PPIL2: variants seen among roughly 807,000 people sequenced by gnomAD.
PPIL2 encodes the protein peptidylprolyl isomerase like 2, also known as RING-type E3 ubiquitin-protein ligase PPIL2.
PPIL2 carries 50 observed loss-of-function variants against 75.2 expected under a neutral mutation model. The observed-to-expected ratio is 0.66, with a 90% CI of 0.53 to 0.84. The LOEUF (loss-of-function observed/expected upper bound fraction) is 0.84. Ranked by LOEUF, PPIL2 falls within the 40% of genes least tolerant of loss-of-function variation. The pLI, the probability that PPIL2 is intolerant of heterozygous loss-of-function variation, is 0.00. For synonymous variants in PPIL2, 245 were observed against 258.8 expected, an observed-to-expected ratio of 0.95 and a Z score of 0.51; for missense variants, 590 against 685.0, an observed-to-expected ratio of 0.86 and a Z score of 1.55.
intron 1 of PPIL2, among the ~76,000 whole-genome samples, chr22:21,668,521 C>A (rs1388244096): frequency 6.7e-6 from 1 of 149,978 alleles, no homozygotes; most frequent in Non-Finnish European, 1.5e-5. Context: ...ACCAGCTACT[C>A]GGGAGGCTGA....
chr22:21,666,193 A>G, intron 1 of PPIL2, 62 bp downstream of exon 1: 2 of 1,541,590 alleles, frequency 1.3e-6, no homozygotes, highest in Non-Finnish European at 1.8e-6. Context: ...CCTGTCCCGC[A>G]CTGCGCGCCG....
In PPIL2 at chr22:21,683,190, C is replaced by G. The variant is rs202126046; in HGVS notation, c.486C>G (p.Thr162=). The G allele has an allele frequency of 1.2e-5, 19 of 1,613,276 alleles. No individual in the cohort carries two copies. Among genetic ancestry groups the G allele is most frequent in the Non-Finnish European group, 1.6e-5 (19 of 1,179,302 alleles). Residue 162 remains threonine, a synonymous_variant, in exon 9 of 20, where the codon ACC becomes ACG. Transcript: ENST00000398831. The part of the protein sequence containing the change: ...RQDIITLQDP[T]NLDKFNVSNF... Reference sequence around the variant, plus strand: ...TTCTCTTTTTGCCACAGGACCCCACCAATTTGGACAAGTTCAATGTCTCTA... The same window carrying G: ...TTCTCTTTTTGCCACAGGACCCCACGAATTTGGACAAGTTCAATGTCTCTA...
chr22:21,695,401 G>A lies in PPIL2; in HGVS notation c.1474G>A (p.Ala492Thr). ...GGCTTCTTCTCTTCCCAGGAAGCGA[G>A]CAGCAGAGGAAGAGCCCTCAACCAG... ...KYINPAATKRAAEEEPSTSAT... is the reference protein window; with the variant it reads ...KYINPAATKRTAEEEPSTSAT... The change falls in exon 20 of 20, where the codon GCA becomes ACA. Residue 492 changes from alanine to threonine, a missense_variant. Coordinates refer to ENST00000398831, the MANE Select transcript of PPIL2 (RefSeq NM_014337.4). 1 of 1,607,862 alleles carries A rather than the reference G, an allele frequency of 6.2e-7. No homozygotes were observed. The highest frequency in any genetic ancestry group is 8.5e-7 in the Non-Finnish European group (1 of 1,177,194).
intron 7 of PPIL2, among the ~76,000 whole-genome samples, 196 bp downstream of exon 7, chr22:21,681,586 TG>T (rs1424441416): frequency 6.6e-6 from 1 of 152,188 alleles, no homozygotes; most frequent in Non-Finnish European, 1.5e-5. Flanking sequence ...AAAAAAGGGT[TG>T]GGGGAGGTGC....
chr22:21,696,726 C>T lies in PPIL2; in HGVS notation c.*1236C>T. ...TTCTTGGTTTTCTCATTTTTGTTGC[C>T]CCAAATCTTGAACCTGTCAGCAACT... is the stretch of plus-strand genomic sequence containing the variant. On this transcript the variant is annotated 3_prime_UTR_variant, in exon 20 of 20. Coordinates refer to ENST00000398831, the MANE Select transcript of PPIL2 (RefSeq NM_014337.4). 2.6e-6 allele frequency: 4 copies of T among 1,537,552 alleles called. No homozygotes were observed. The highest frequency in any genetic ancestry group is 3.5e-6 in the Non-Finnish European group (4 of 1,146,524).
At chr22:21,693,782 A>G in intron 15 of PPIL2, 34 bp from the exon 16 acceptor site, 3 of 1,522,706 alleles carry the variant, frequency 2.0e-6, no homozygotes, top group Non-Finnish European at 2.7e-6. Flanking sequence ...AGAAGGTGCC[A>G]TGCTCTCCCT....
At position 21,684,879 on chromosome 22, in the gene PPIL2, C is replaced by G. The variant is rs781026411; in HGVS notation, c.680C>G (p.Ala227Gly). 6.2e-7 allele frequency: 1 copy of G among 1,614,026 alleles called. No individual in the cohort carries two copies. The highest frequency in any genetic ancestry group is 1.1e-5 in the South Asian group (1 of 91,076). Residue 227 changes from alanine to glycine, a missense_variant, in exon 10 of 20, where the codon GCC (alanine) becomes GGC (glycine). Coordinates refer to ENST00000398831, the MANE Select transcript of PPIL2 (RefSeq NM_014337.4). ...GDEILAATMK[A>G]PEKKKVDKLN... ...GAGATTCTGGCAGCCACCATGAAGGCCCCGGAGAAGAAGAAAGTGGACAAG... is the reference window on the plus strand; with the variant it reads ...GAGATTCTGGCAGCCACCATGAAGGGCCCGGAGAAGAAGAAAGTGGACAAG...
intron 5 of PPIL2, 114 bp downstream of exon 5, chr22:21,672,495 GC>G: frequency 1.9e-6 from 2 of 1,062,578 alleles, no homozygotes; most frequent in South Asian, 1.3e-5. Context: ...CGTTCATGGG[GC>G]CCAGTGAGGA....
At chr22:21,695,218 C>G (rs947510366) in intron 19 of PPIL2, 148 bp downstream of exon 19, 10 of 1,358,042 alleles carry the variant, frequency 7.4e-6, no homozygotes, top group Non-Finnish European at 8.8e-6. Context: ...AGCCGAGGGA[C>G]TGCCTCTGAA....
chr22:21,694,369 C>CA (rs1051383954), intron 16 of PPIL2, among the ~76,000 whole-genome samples: 105 of 142,104 alleles, frequency 7.4e-4, no homozygotes, highest in African/African-American at 1.8e-3. Context: ...TGGGGGAAAC[C>CA]AAAAAAAAAA....
chr22:21,670,198 T>TA, intron 2 of PPIL2: 1 of 1,032,288 alleles, frequency 9.7e-7, no homozygotes. Flanking sequence ...GGGAGCTAAG[T>TA]AAAAAATAAA....
intron 10 of PPIL2, 101 bp from the exon 11 acceptor site, chr22:21,686,382 G>A: frequency 8.8e-7 from 1 of 1,141,528 alleles, no homozygotes; most frequent in Non-Finnish European, 1.3e-6. Context: ...CAGGGCCTGG[G>A]GGGCAGGGGT....
At chr22:21,675,733 G>T (rs1424506442) in intron 6 of PPIL2, among the ~76,000 whole-genome samples, 2 of 152,238 alleles carry the variant, frequency 1.3e-5, no homozygotes, top group East Asian at 3.8e-4. Context: ...TCTGTTTGTT[G>T]TTGGAGGCAG....
chr22:21,672,037 C>T lies in PPIL2; in HGVS notation c.192-293C>T, dbSNP rs185116302. ...CTGCACTCCAGCCTGAGTGACAAGG[C>T]GAAACCTTGTCTCAAAGAAAAAAAA... On this transcript the variant is annotated intron_variant, in intron 4 of 19. Coordinates refer to ENST00000398831, the MANE Select transcript of PPIL2 (RefSeq NM_014337.4). 1.3e-3 allele frequency among the ~76,000 whole-genome samples: 191 copies of T among 152,058 alleles called. 2 individuals carry two copies. The highest frequency in any genetic ancestry group is 4.4e-3 in the African/African-American group (184 of 41,460).
At position 21,695,081 on chromosome 22, in the gene PPIL2, C is replaced by A; in HGVS notation, c.1466+11C>A. ...CAACCCAGCAGCCACGTGAGTGCCG[C>A]GGGGCTGGCCTCCCTGTTTCCCATG... On this transcript the variant is annotated intron_variant, in intron 19 of 19. Coordinates refer to ENST00000398831, the MANE Select transcript of PPIL2 (RefSeq NM_014337.4). The A allele has an allele frequency of 6.3e-7, 1 of 1,590,068 alleles. No homozygotes were observed. The highest frequency in any genetic ancestry group is 1.1e-5 in the South Asian group (1 of 89,222).
chr22:21,680,246 G>A (rs1022141325), intron 6 of PPIL2, among the ~76,000 whole-genome samples: 7 of 152,222 alleles, frequency 4.6e-5, no homozygotes, highest in Non-Finnish European at 1.0e-4. Context: ...AGTAACCAAG[G>A]CCAGGTGCAG....
In PPIL2 at chr22:21,678,588, C is replaced by T. The variant is rs117869482; in HGVS notation, c.296-2711C>T. Among the ~76,000 whole-genome samples the T allele has an allele frequency of 1.7e-4, 26 of 152,286 alleles. 1 individual carries two copies. The East Asian group carries it at 4.8e-3, about 28-fold the overall frequency. On this transcript the variant is annotated intron_variant, in intron 6 of 19. Transcript: ENST00000398831. ...GAAAGTGGAGTGAGGAGGTGTGATA[C>T]GCCTCCCCTGTGCCCATCATCAACT...
At chr22:21,694,007 G>T in intron 16 of PPIL2, 135 bp downstream of exon 16, 1 of 964,126 alleles carries the variant, frequency 1.0e-6, no homozygotes, top group East Asian at 2.6e-5. Flanking sequence ...GGGGGTTGAG[G>T]CTATGCAGAG....
chr22:21,685,233 T>C (rs1471988935), intron 10 of PPIL2, among the ~76,000 whole-genome samples: 1 of 152,190 alleles, frequency 6.6e-6, no homozygotes, highest in African/African-American at 2.4e-5. Flanking sequence ...GGTCCCAGCC[T>C]GAGCTCAGTA....
Sources: gnomAD v4.1 joint callset for allele counts (sites outside exome capture counted in the v4.1 genomes callset) on GRCh38, gnomAD v4.1.1 for gene constraint, MANE v1.5 for transcripts, NCBI Gene and HGNC (gene_info 2026-07-23, HGNC 2026-07-21) for gene names.